Variants in EPHA4 observed in about 807,000 individuals in gnomAD.
EPHA4 encodes ephrin type-A receptor 4.
In EPHA4, 19 loss-of-function variants were observed where a neutral mutation model predicts 108.3. The observed-to-expected ratio is 0.18, with a 90% confidence interval of 0.12 to 0.26. The LOEUF (loss-of-function observed/expected upper bound fraction) is 0.26. EPHA4 is among the 10% of genes least tolerant of loss of function. The probability of loss-of-function intolerance (pLI) is 1.00; values close to 1 mark genes in which losing one functional copy is unlikely to be tolerated. For synonymous variants in EPHA4, 449 were observed against 455.5 expected (o/e 0.99, Z 0.18); for missense variants, 917 against 1,254.0 (o/e 0.73, Z 4.06).
chr2:221,572,029 T>G (rs1694854814), intron 1 of EPHA4, 129 bp downstream of exon 1: 8 of 772,552 alleles, frequency 1.0e-5, no homozygotes, highest in Non-Finnish European at 1.7e-5. Flanking sequence ...TCAGCCCCCT[T>G]CTCCCGAATC....
chr2:221,568,740 A>C lies in EPHA4; in HGVS notation c.137T>G (p.Ile46Arg), dbSNP rs1308566551. The C allele has an allele frequency of 6.2e-7, 1 of 1,613,848 alleles. No individual in the cohort carries two copies. The highest frequency in any genetic ancestry group is 1.1e-5 in the South Asian group (1 of 90,974). ...TACCCCTCCTTCCAGAGGGCTTGCT[A>C]TCCACCCAAGTTCTCCCTGAACAGA... ...SRSVQGELGWIASPLEGGWEE... is the reference protein window; with the variant it reads ...SRSVQGELGWRASPLEGGWEE... Residue 46 changes from isoleucine to arginine, a missense_variant, in exon 2 of 18, where the codon ATA becomes AGA. Coordinates refer to ENST00000281821, the MANE Select transcript of EPHA4 (RefSeq NM_004438.5).
At chr2:221,511,543 T>TA (rs752878500) in intron 3 of EPHA4, among the ~76,000 whole-genome samples, 1 of 152,034 alleles carries the variant, frequency 6.6e-6, no homozygotes, top group Non-Finnish European at 1.5e-5. Context: ...CCCTTTTTTG[T>TA]CTATAAATCT....
At chr2:221,476,781 A>G (rs935443899) in intron 5 of EPHA4, among the ~76,000 whole-genome samples, 8 of 152,178 alleles carry the variant, frequency 5.3e-5, no homozygotes, top group Admixed American at 3.3e-4. Flanking sequence ...CCACTCAAAT[A>G]ACATAATATG....
At chr2:221,457,137 A>T (rs1027464223) in intron 6 of EPHA4, among the ~76,000 whole-genome samples, 3 of 152,172 alleles carry the variant, frequency 2.0e-5, no homozygotes, top group Non-Finnish European at 4.4e-5. Context: ...TTTTCTGTCT[A>T]GAAAATGTAA....
intron 4 of EPHA4, among the ~76,000 whole-genome samples, chr2:221,491,144 AC>A (rs949011955): frequency 1.8e-4 from 28 of 151,650 alleles, no homozygotes; most frequent in African/African-American, 6.8e-4. Context: ...TCTTTTTTTT[AC>A]TGGGTTAATT....
intron 6 of EPHA4, among the ~76,000 whole-genome samples, chr2:221,457,506 T>A (rs1277943377): frequency 6.6e-6 from 1 of 152,252 alleles, no homozygotes; most frequent in Non-Finnish European, 1.5e-5. Flanking sequence ...AGATTAGAAC[T>A]TCTTAGCTAT....
intron 3 of EPHA4, among the ~76,000 whole-genome samples, chr2:221,558,591 C>G (rs1046715592): frequency 2.0e-5 from 3 of 152,050 alleles, no homozygotes; most frequent in African/African-American, 7.2e-5. Context: ...TAATTCATTT[C>G]TGAAAGATAC....
chr2:221,486,999 T>C (rs953655194), intron 4 of EPHA4, among the ~76,000 whole-genome samples: 1 of 152,136 alleles, frequency 6.6e-6, no homozygotes, highest in African/African-American at 2.4e-5. Context: ...ACCTGTGAAG[T>C]AGTAACTCAG....
chr2:221,472,368 G>A (rs1043311666), intron 5 of EPHA4, among the ~76,000 whole-genome samples: 15 of 150,500 alleles, frequency 1.0e-4, no homozygotes, highest in African/African-American at 3.4e-4. Flanking sequence ...ATGTTATCTA[G>A]AAAAACACAA....
At chr2:221,442,607 T>C (rs763432035) in intron 11 of EPHA4, among the ~76,000 whole-genome samples, 4 of 152,208 alleles carry the variant, frequency 2.6e-5, no homozygotes, top group African/African-American at 2.4e-5. Flanking sequence ...GCAATATTAA[T>C]TTCTCTAAAA....
chr2:221,519,560 C>T (rs914505621), intron 3 of EPHA4, among the ~76,000 whole-genome samples: 2 of 152,224 alleles, frequency 1.3e-5, no homozygotes, highest in Non-Finnish European at 2.9e-5. Flanking sequence ...TTTTCCTCTG[C>T]TCCAGTTATT....
chr2:221,516,500 G>A (rs563968680), intron 3 of EPHA4, among the ~76,000 whole-genome samples: 3 of 151,912 alleles, frequency 2.0e-5, no homozygotes, highest in Admixed American at 1.3e-4. Flanking sequence ...GATTAGAGGC[G>A]TCCGCCGCGA....
At chr2:221,437,213 T>C (rs894517622) in intron 11 of EPHA4, 91 bp from the exon 12 acceptor site, 3 of 902,468 alleles carry the variant, frequency 3.3e-6, no homozygotes, top group Non-Finnish European at 3.6e-6. Flanking sequence ...ACTGCCAAGA[T>C]ACCTGTCTTG....
chr2:221,430,389 G>A (rs1045372339), intron 14 of EPHA4, among the ~76,000 whole-genome samples: 2 of 152,170 alleles, frequency 1.3e-5, no homozygotes, highest in Non-Finnish European at 2.9e-5. Flanking sequence ...GTTCTCAAGT[G>A]GCTAGAGCCC....
chr2:221,463,699 CT>C (rs1173795781), intron 5 of EPHA4, among the ~76,000 whole-genome samples: 5 of 152,178 alleles, frequency 3.3e-5, no homozygotes, highest in Admixed American at 3.3e-4. Flanking sequence ...CTGCAATTTT[CT>C]TTTATTCACT....
chr2:221,488,694 CTATCA>C lies in EPHA4; in HGVS notation c.980-6009_980-6005del, dbSNP rs768839665. ...GCCACATGATAGTAGATACAAAGGG[CTATCA>C]TATCATATTATAAAATATCACATCA... On this transcript the variant is annotated intron_variant, in intron 4 of 17. Coordinates refer to ENST00000281821, the MANE Select transcript of EPHA4 (RefSeq NM_004438.5). Among the ~76,000 whole-genome samples the C allele has an allele frequency of 4.6e-5, 7 of 152,190 alleles. No individual in the cohort carries two copies. The East Asian group carries it at 1.4e-3, about 29-fold the overall frequency.
chr2:221,471,927 C>T (rs987129374), intron 5 of EPHA4, among the ~76,000 whole-genome samples: 1 of 152,090 alleles, frequency 6.6e-6, no homozygotes, highest in Non-Finnish European at 1.5e-5. Flanking sequence ...CCTACTCCTA[C>T]TGTAAATGGA....
intron 5 of EPHA4, among the ~76,000 whole-genome samples, chr2:221,467,486 C>A (rs940861724): frequency 6.6e-6 from 1 of 152,152 alleles, no homozygotes; most frequent in Non-Finnish European, 1.5e-5. Context: ...TAAGGTTTTG[C>A]AAATTAGAGC....
At chr2:221,544,135 C>T (rs1693915702) in intron 3 of EPHA4, among the ~76,000 whole-genome samples, 1 of 152,138 alleles carries the variant, frequency 6.6e-6, no homozygotes, top group African/African-American at 2.4e-5. Flanking sequence ...GCCCTACTTC[C>T]TAATACCATC....
Sources: gnomAD v4.1 joint callset for allele counts (sites outside exome capture counted in the v4.1 genomes callset) on GRCh38, gnomAD v4.1.1 for gene constraint, MANE v1.5 for transcripts, NCBI Gene and HGNC (gene_info 2026-07-23, HGNC 2026-07-21) for gene names.